CDC73: variants seen among roughly 807,000 people sequenced by gnomAD.
CDC73 encodes the protein parafibromin.
In CDC73, 21 loss-of-function variants were observed where a neutral mutation model predicts 83.7. The observed-to-expected ratio is 0.25, with a 90% confidence interval of 0.18 to 0.36. CDC73 has a LOEUF of 0.36. Among genes scored for constraint, CDC73 ranks in the 10% least tolerant of loss-of-function variants. CDC73 has a pLI of 1.00. For missense variants in CDC73, 342 were observed against 653.3 expected (o/e 0.52, Z 5.19); for synonymous variants, 224 against 212.9 (o/e 1.05, Z -0.45).
chr1:193,136,546 A>G, intron 5 of CDC73: 1 of 257,938 alleles, frequency 3.9e-6, no homozygotes, highest in Non-Finnish European at 9.2e-6. Flanking sequence ...GAACTCATTA[A>G]GTTGGTAGTA....
At chr1:193,231,762 T>G (rs779289303) in intron 13 of CDC73, among the ~76,000 whole-genome samples, 15 of 152,170 alleles carry the variant, frequency 9.9e-5, no homozygotes, top group Non-Finnish European at 2.1e-4. Flanking sequence ...AAAATTAGTA[T>G]TATGTGATGA....
intron 1 of CDC73, chr1:193,122,570 G>A (rs1675474346): frequency 4.0e-6 from 2 of 499,782 alleles, no homozygotes; most frequent in South Asian, 4.3e-5. Context: ...AGGTACCGTG[G>A]GAGTTTCTGA....
rs562555057 is a variant in CDC73 at position 193,165,963 on chromosome 1, T to C, written c.972+13519T>C. Among the ~76,000 whole-genome samples the C allele has an allele frequency of 2.6e-5, 4 of 152,364 alleles. 1 individual carries two copies. The highest frequency in any genetic ancestry group is 9.6e-5 in the African/African-American group (4 of 41,590). On this transcript the variant is annotated intron_variant, in intron 10 of 16. Transcript: ENST00000367435. ...TTTTACATGTAAGTTCTGTTATGCC[T>C]TGTAATTTTAGGTTGACTTTGTTAA...
intron 1 of CDC73, among the ~76,000 whole-genome samples, chr1:193,122,944 C>T (rs188277381): frequency 6.6e-6 from 1 of 152,194 alleles, no homozygotes; most frequent in Admixed American, 6.5e-5. Context: ...CTTTACAGAT[C>T]TAAGAAATAG....
chr1:193,186,050 A>T (rs1354370828), intron 10 of CDC73: 2 of 152,538 alleles, frequency 1.3e-5, no homozygotes, highest in African/African-American at 4.8e-5. Flanking sequence ...TGTGAAGAGG[A>T]TTATGCCCAC....
chr1:193,147,687 A>G (rs1295331548), intron 7 of CDC73, among the ~76,000 whole-genome samples, 180 bp from the exon 8 acceptor site: 3 of 152,188 alleles, frequency 2.0e-5, no homozygotes, highest in Admixed American at 6.5e-5. Flanking sequence ...ATTTACAATA[A>G]TCAGTCTCTG....
At chr1:193,142,625 C>T (rs77783201) in intron 7 of CDC73, among the ~76,000 whole-genome samples, 6,390 of 151,512 alleles carry the variant, frequency 0.042, 430 homozygotes, top group African/African-American at 0.15. Flanking sequence ...TTCTCTCTGC[C>T]CCCCTCCTCC....
chr1:193,149,327 C>G (rs1676064746), intron 8 of CDC73, among the ~76,000 whole-genome samples: 1 of 150,850 alleles, frequency 6.6e-6, no homozygotes, highest in South Asian at 2.1e-4. Flanking sequence ...GTTAGATTCT[C>G]AAACGACCAT....
At chr1:193,158,881 A>G (rs1218437411) in intron 10 of CDC73, among the ~76,000 whole-genome samples, 1 of 152,160 alleles carries the variant, frequency 6.6e-6, no homozygotes, top group Non-Finnish European at 1.5e-5. Context: ...TATTTTATAT[A>G]CTTGTTACCT....
Position 193,125,131 on chromosome 1 carries a change from C to T in CDC73, c.151C>T (p.Pro51Ser), listed in dbSNP as rs540541696. 5 of 1,601,082 alleles carry T rather than the reference C, an allele frequency of 3.1e-6. No individual in the cohort carries two copies. The South Asian group carries it at 5.5e-5, about 18-fold the overall frequency. ...TTTCAGGACTGGAAAGGAAGGCCAA[C>T]CCAGAGAGTACTACACATTGGATTC... The part of the protein sequence containing the change: ...VVWGTGKEGQ[P>S]REYYTLDSIL... Residue 51 changes from proline to serine, a missense_variant, in exon 2 of 17, where the codon CCC (proline) becomes TCC (serine). This residue lies in a region of CDC73 where 99 missense variants were observed against 174.5 expected (regional missense o/e 0.57). Coordinates refer to ENST00000367435, the MANE Select transcript of CDC73 (RefSeq NM_024529.5).
chr1:193,212,568 A>G, intron 13 of CDC73, 91 bp downstream of exon 13: 1 of 883,072 alleles, frequency 1.1e-6, no homozygotes, highest in Non-Finnish European at 1.8e-6. Context: ...TATTTGGAAA[A>G]AACAAAATTT....
At position 193,131,710 on chromosome 1, in the gene CDC73, C is replaced by G. The variant is rs1005864341; in HGVS notation, c.307+1467C>G. Among the ~76,000 whole-genome samples the G allele has an allele frequency of 2.6e-5, 4 of 152,336 alleles. No homozygotes were observed. The South Asian group carries it at 6.2e-4, about 24-fold the overall frequency. ...CTTAGCACCTTTGCACTTTCTCTTT[C>G]TATCTTGAGTTGTCTTTCTCTACAT... On this transcript the variant is annotated intron_variant, in intron 3 of 16. Transcript: ENST00000367435.
intron 13 of CDC73, among the ~76,000 whole-genome samples, chr1:193,213,826 A>G (rs972857262): frequency 1.3e-5 from 2 of 152,214 alleles, no homozygotes; most frequent in Non-Finnish European, 2.9e-5. Context: ...AGGTGCTTCA[A>G]GAATATCTCA....
chr1:193,224,544 A>G (rs1158836575), intron 13 of CDC73, among the ~76,000 whole-genome samples: 1 of 152,014 alleles, frequency 6.6e-6, no homozygotes, highest in Non-Finnish European at 1.5e-5. Flanking sequence ...GCATTCACAT[A>G]TACACATGTG....
chr1:193,132,965 G>C (rs561155407), intron 3 of CDC73, among the ~76,000 whole-genome samples: 1 of 147,072 alleles, frequency 6.8e-6, no homozygotes, highest in South Asian at 2.2e-4. Context: ...GCAGTGGCGC[G>C]ATCTTGGCTC....
chr1:193,215,171 C>A (rs892204485), intron 13 of CDC73, among the ~76,000 whole-genome samples: 3 of 152,186 alleles, frequency 2.0e-5, no homozygotes, highest in African/African-American at 7.2e-5. Context: ...ACAAATTAGA[C>A]CTCAACAGTT....
chr1:193,182,822 G>A (rs1407708136), intron 10 of CDC73, among the ~76,000 whole-genome samples: 5 of 151,966 alleles, frequency 3.3e-5, no homozygotes, highest in African/African-American at 9.7e-5. Flanking sequence ...TGGGCAAAGA[G>A]GTATAGTTTG....
At position 193,162,353 on chromosome 1, in the gene CDC73, T is replaced by C. The variant is rs545640765; in HGVS notation, c.972+9909T>C. Among the ~76,000 whole-genome samples the C allele has an allele frequency of 4.3e-5, 6 of 138,822 alleles. No homozygotes were observed. In the South Asian group the frequency reaches 1.3e-3, roughly 30 times the overall value. 91.1% of individuals were successfully genotyped at this position (138,822 alleles called of 152,430 possible). A position where few individuals can be genotyped will look rare whatever the true frequency, so the allele number is the denominator to read the frequency against. ...ATATACTATATATTATATATACATA[T>C]ATATTATATATAGTGTATATATATA... is the stretch of plus-strand genomic sequence containing the variant. On this transcript the variant is annotated intron_variant, in intron 10 of 16. Transcript: ENST00000367435.
chr1:193,251,928 T>A lies in CDC73; in HGVS notation c.*1216T>A. ...ATTGGAATTTTTGCTGATCACAGTC[T>A]TATGTCATTTTTTTCTCTGTTTTTA... On this transcript the variant is annotated 3_prime_UTR_variant, in exon 17 of 17. Coordinates refer to ENST00000367435, the MANE Select transcript of CDC73 (RefSeq NM_024529.5). 1 of 231,582 alleles carries A rather than the reference T, an allele frequency of 4.3e-6. No individual in the cohort carries two copies. The allele number at this position is 231,582 out of a possible 1,614,324, so 14.3% of individuals were successfully genotyped here.
Sources: allele counts gnomAD v4.1 joint callset (sites outside exome capture counted in the v4.1 genomes callset), GRCh38; gene constraint gnomAD v4.1.1; regional missense constraint gnomAD v4.1.1; transcripts MANE v1.5; gene names NCBI Gene and HGNC (gene_info 2026-07-23, HGNC 2026-07-21).